Variants in CTNND2 observed in about 807,000 individuals in gnomAD.
The protein encoded by CTNND2 is catenin delta-2.
CTNND2 carries 22 observed loss-of-function variants against 144.4 expected under a neutral mutation model. The ratio of observed to expected loss-of-function variants is 0.15; its 90% CI spans 0.11 to 0.22. The LOEUF (loss-of-function observed/expected upper bound fraction) is 0.22, where lower values mean the gene tolerates loss of function less well. Ranked by LOEUF, CTNND2 falls within the 10% of genes least tolerant of loss-of-function variation. CTNND2 has a pLI of 1.00. For missense variants in CTNND2, 1,353 were observed against 1,618.8 expected, an observed-to-expected ratio of 0.84 and a Z score of 2.82; for synonymous variants, 751 against 695.6, an observed-to-expected ratio of 1.08 and a Z score of -1.25.
At chr5:11,171,110 A>C (rs948224304) in intron 11 of CTNND2, among the ~76,000 whole-genome samples, 3 of 152,182 alleles carry the variant, frequency 2.0e-5, no homozygotes, top group Non-Finnish European at 2.9e-5. Flanking sequence ...ACTATATCAG[A>C]TACTGTTGCT....
At chr5:11,294,225 T>C (rs557040142) in intron 9 of CTNND2, among the ~76,000 whole-genome samples, 3 of 151,486 alleles carry the variant, frequency 2.0e-5, no homozygotes, top group South Asian at 4.2e-4. Context: ...ATGTCCTTGA[T>C]GTCGCAGTAA....
chr5:11,258,487 A>C (rs1269518115), intron 9 of CTNND2, among the ~76,000 whole-genome samples: 2 of 152,238 alleles, frequency 1.3e-5, no homozygotes, highest in Non-Finnish European at 1.5e-5. Context: ...CACCTTACAA[A>C]AGCTGAAAAA....
At position 11,397,160 on chromosome 5, in the gene CTNND2, T is replaced by A; in HGVS notation, c.483A>T (p.Lys161Asn). 2 of 1,614,084 alleles carry A rather than the reference T, an allele frequency of 1.2e-6. No homozygotes were observed. The highest frequency in any genetic ancestry group is 4.5e-5 in the East Asian group (2 of 44,858). ...LSQSALQLNSKPEGSFQYPAS... is the reference protein window; with the variant it reads ...LSQSALQLNSNPEGSFQYPAS... The stretch of plus-strand genomic sequence containing the variant: ...CCGGATACTGGAAAGACCCTTCAGG[T>A]TTGGAATTGAGCTGAAGTGCACTCT... The change falls in exon 6 of 22, where the codon AAA becomes AAT. Residue 161 changes from lysine to asparagine, a missense_variant. Physicochemically the swap from Lys to Asn is moderately conservative, Grantham distance 94. Transcript: ENST00000304623.
At chr5:11,549,536 AT>A (rs1287914513) in intron 3 of CTNND2, among the ~76,000 whole-genome samples, 1 of 152,094 alleles carries the variant, frequency 6.6e-6, no homozygotes, top group Non-Finnish European at 1.5e-5. Context: ...CCAAATAATA[AT>A]CCCCCAAATA....
intron 1 of CTNND2, among the ~76,000 whole-genome samples, chr5:11,765,990 T>G (rs1211368841): frequency 6.6e-6 from 1 of 152,204 alleles, no homozygotes. Flanking sequence ...CTAAAATACA[T>G]GCCATGAAAC....
At chr5:11,320,106 T>A (rs1203120431) in intron 9 of CTNND2, among the ~76,000 whole-genome samples, 1 of 152,202 alleles carries the variant, frequency 6.6e-6, no homozygotes, top group African/African-American at 2.4e-5. Flanking sequence ...TCATTAGTCA[T>A]AGGCACTGCT....
intron 20 of CTNND2, among the ~76,000 whole-genome samples, chr5:10,985,265 G>A (rs1466215188): frequency 6.6e-6 from 1 of 152,146 alleles, no homozygotes; most frequent in African/African-American, 2.4e-5. Context: ...CCTTTCTTGA[G>A]GTGAACTGAA....
At chr5:11,487,929 C>G (rs953683428) in intron 3 of CTNND2, among the ~76,000 whole-genome samples, 2 of 152,190 alleles carry the variant, frequency 1.3e-5, no homozygotes, top group African/African-American at 4.8e-5. Flanking sequence ...CATACCATTG[C>G]AGGAGGCTGT....
intron 9 of CTNND2, among the ~76,000 whole-genome samples, chr5:11,298,615 T>G (rs1201114221): frequency 6.6e-6 from 1 of 152,238 alleles, no homozygotes; most frequent in Non-Finnish European, 1.5e-5. Context: ...TGTCTCTCAT[T>G]GAGCTAGTTC....
chr5:11,527,583 G>T (rs1043526220), intron 3 of CTNND2, among the ~76,000 whole-genome samples: 2 of 152,162 alleles, frequency 1.3e-5, no homozygotes, highest in African/African-American at 2.4e-5. Flanking sequence ...TTAGATAGAA[G>T]CAAAGGTGGA....
chr5:11,373,948 G>A (rs1561295297), intron 7 of CTNND2, among the ~76,000 whole-genome samples: 1 of 152,196 alleles, frequency 6.6e-6, no homozygotes, highest in Non-Finnish European at 1.5e-5. Context: ...CTGCTGGGAA[G>A]TCCCTGGGAG....
chr5:11,466,321 A>G (rs1283894091), intron 3 of CTNND2, among the ~76,000 whole-genome samples: 1 of 152,190 alleles, frequency 6.6e-6, no homozygotes, highest in Non-Finnish European at 1.5e-5. Context: ...TCATTCACCT[A>G]AAAGGTAGCT....
intron 3 of CTNND2, among the ~76,000 whole-genome samples, chr5:11,543,634 G>T (rs1774954356): frequency 6.7e-6 from 1 of 148,970 alleles, no homozygotes; most frequent in African/African-American, 2.5e-5. Flanking sequence ...CAGTAACGCT[G>T]TTTTTTTTTT....
chr5:11,725,159 G>T (rs573740775), intron 2 of CTNND2, among the ~76,000 whole-genome samples: 95 of 152,234 alleles, frequency 6.2e-4, no homozygotes, highest in Non-Finnish European at 8.7e-4. Flanking sequence ...CATGATCGAT[G>T]GGCTGCCTCA....
At chr5:11,345,824 TAAC>T (rs1016313100) in intron 9 of CTNND2, among the ~76,000 whole-genome samples, 5 of 151,674 alleles carry the variant, frequency 3.3e-5, no homozygotes, top group Non-Finnish European at 5.9e-5. Flanking sequence ...AAAACCTCCA[TAAC>T]AACAATTTCT....
At chr5:11,604,227 A>G (rs73054088) in intron 2 of CTNND2, among the ~76,000 whole-genome samples, 11,824 of 152,214 alleles carry the variant, frequency 0.078, 1,015 homozygotes, top group African/African-American at 0.21. Context: ...ACAGTGTTTC[A>G]TTTATGCAGC....
chr5:11,423,834 A>G (rs965672357), intron 3 of CTNND2, among the ~76,000 whole-genome samples: 2 of 152,242 alleles, frequency 1.3e-5, no homozygotes, highest in Admixed American at 1.3e-4. Flanking sequence ...CCTCTTAGAC[A>G]TGTAATGAAA....
chr5:11,647,394 A>G (rs1009767154), intron 2 of CTNND2, among the ~76,000 whole-genome samples: 4 of 151,986 alleles, frequency 2.6e-5, no homozygotes, highest in African/African-American at 9.7e-5. Flanking sequence ...GGAATCCAAC[A>G]TCAGCTGGTC....
At chr5:11,853,911 TG>T (rs1335109633) in intron 1 of CTNND2, among the ~76,000 whole-genome samples, 4 of 152,218 alleles carry the variant, frequency 2.6e-5, no homozygotes, top group Non-Finnish European at 5.9e-5. Flanking sequence ...ATCTCTGAAC[TG>T]GTCTCTCCGT....
Sources: allele counts gnomAD v4.1 joint callset (sites outside exome capture counted in the v4.1 genomes callset), GRCh38; gene constraint gnomAD v4.1.1; transcripts MANE v1.5; gene names NCBI Gene and HGNC (gene_info 2026-07-23, HGNC 2026-07-21).